Variants in CACNA1S observed in about 807,000 individuals in gnomAD.
CACNA1S encodes the protein voltage-dependent L-type calcium channel subunit alpha-1S.
CACNA1S carries 126 observed loss-of-function variants against 207.4 expected under a neutral mutation model. That is an observed-to-expected ratio of 0.61 (90% CI 0.53 to 0.70). The LOEUF is 0.70. Ranked by LOEUF, CACNA1S falls within the 30% of genes least tolerant of loss-of-function variation. CACNA1S has a pLI of 0.00. For missense variants in CACNA1S, 2,349 were observed against 2,422.8 expected, an observed-to-expected ratio of 0.97 and a Z score of 0.64; for synonymous variants, 960 against 932.7, an observed-to-expected ratio of 1.03 and a Z score of -0.53.
At chr1:201,106,291 C>T (rs1013873885) in intron 2 of CACNA1S, among the ~76,000 whole-genome samples, 8 of 152,134 alleles carry the variant, frequency 5.3e-5, no homozygotes, top group Non-Finnish European at 1.2e-4. Flanking sequence ...GGATGACTTC[C>T]CTGGGCTCCC....
In CACNA1S at chr1:201,069,514, C is replaced by T; in HGVS notation, c.2448G>A (p.Leu816=). 2 of 1,596,328 alleles carry T rather than the reference C, an allele frequency of 1.3e-6. No homozygotes were observed. Among genetic ancestry groups the T allele is most frequent in the African/African-American group, 1.3e-5 (1 of 74,998 alleles). The change falls in exon 18 of 44, where the codon CTG becomes CTA. Residue 816 remains leucine, a synonymous_variant. Coordinates refer to ENST00000362061, the MANE Select transcript of CACNA1S (RefSeq NM_000069.3). ...CAGCCCGGATGGGGTCTTCCGCAGC[C>T]AGTGCAGCGCTGCTGAGCAGGATGA... ...LLFILLSSAA[L]AAEDPIRADS...
intron 38 of CACNA1S, 133 bp downstream of exon 38, chr1:201,046,982 T>C: frequency 1.6e-6 from 2 of 1,253,360 alleles, no homozygotes; most frequent in Non-Finnish European, 2.3e-6. Context: ...CTTGACATTT[T>C]TTCACTCTTC....
At chr1:201,086,705 C>T (rs1000581100) in intron 7 of CACNA1S, among the ~76,000 whole-genome samples, 2 of 152,194 alleles carry the variant, frequency 1.3e-5, no homozygotes, top group East Asian at 3.8e-4. Flanking sequence ...TATAGTTATC[C>T]ATACAAAAAA....
At position 201,088,970 on chromosome 1, in the gene CACNA1S, G is replaced by T. The variant is rs549707479; in HGVS notation, c.900+288C>A. 3.3e-4 allele frequency among the ~76,000 whole-genome samples: 51 copies of T among 152,348 alleles called. 1 individual carries two copies. The South Asian group carries it at 0.011, about 32-fold the overall frequency. On this transcript the variant is annotated intron_variant, in intron 6 of 43. Transcript: ENST00000362061. ...TGAAATTCTAAGCCATCAGAATTGA[G>T]TCACTCACAGCCAGGTTTTTCCTGG...
chr1:201,065,808 G>C, intron 22 of CACNA1S, 30 bp downstream of exon 22: 4 of 1,511,184 alleles, frequency 2.6e-6, no homozygotes, highest in Non-Finnish European at 3.7e-6. Context: ...GGAGCGGGAG[G>C]GGGAGCTGCT....
At chr1:201,107,103 G>T (rs1429032687) in intron 2 of CACNA1S, among the ~76,000 whole-genome samples, 1 of 152,234 alleles carries the variant, frequency 6.6e-6, no homozygotes, top group African/African-American at 2.4e-5. Flanking sequence ...GTGAGCCAAG[G>T]TTCCAAGCTT....
chr1:201,110,395 G>T, intron 1 of CACNA1S, 126 bp from the exon 2 acceptor site: 2 of 791,632 alleles, frequency 2.5e-6, no homozygotes, highest in Non-Finnish European at 2.2e-6. Flanking sequence ...GCTCATGGAC[G>T]CTCGCCCACG....
chr1:201,101,294 C>T (rs61818024), intron 2 of CACNA1S, among the ~76,000 whole-genome samples: 15,974 of 152,182 alleles, frequency 0.1, 937 homozygotes, highest in Non-Finnish European at 0.12. Flanking sequence ...GGTTCCATCC[C>T]GGAGGGTGTC....
In CACNA1S at chr1:201,043,520, G is replaced by C. The variant is rs1373787888; in HGVS notation, c.4809C>G (p.Gly1603=). 1 of 1,613,886 alleles carries C rather than the reference G, an allele frequency of 6.2e-7. No homozygotes were observed. The highest frequency in any genetic ancestry group is 8.5e-7 in the Non-Finnish European group (1 of 1,180,022). The change falls in exon 40 of 44, where the codon GGC becomes GGG. Residue 1603 remains glycine, a synonymous_variant. Transcript: ENST00000362061. ...MEEGIFRRTG[G]LFGQVDNFLE... ...GGAAGTTGTCCACCTGGCCAAACAGGCCTCCAGTCCTCTAGGGGCAAGGAG... is the reference window on the plus strand; with the variant it reads ...GGAAGTTGTCCACCTGGCCAAACAGCCCTCCAGTCCTCTAGGGGCAAGGAG...
rs1199319384 is a variant in CACNA1S at position 201,039,999 on chromosome 1, G to A, written c.5454C>T (p.Cys1818=). 2 of 1,614,268 alleles carry A rather than the reference G, an allele frequency of 1.2e-6. No individual in the cohort carries two copies. The highest frequency in any genetic ancestry group is 1.7e-6 in the Non-Finnish European group (2 of 1,180,050). The part of the protein sequence containing the change: ...MATGQALADA[C]QMEPEEVEIM... ...TCTCCACTTCCTCTGGTTCCATTTG[G>A]CAGGCATCTGCCAGGGCCTGGCCTG... is the stretch of plus-strand genomic sequence containing the variant. Residue 1818 remains cysteine, a synonymous_variant, in exon 44 of 44, where the codon TGC becomes TGT. Transcript: ENST00000362061.
chr1:201,101,767 T>C (rs184018269), intron 2 of CACNA1S, among the ~76,000 whole-genome samples: 5 of 152,212 alleles, frequency 3.3e-5, no homozygotes, highest in Admixed American at 2.6e-4. Context: ...GGGAGGATGG[T>C]GGGTGTGAGG....
chr1:201,106,382 C>T (rs796557694), intron 2 of CACNA1S, among the ~76,000 whole-genome samples: 37 of 151,902 alleles, frequency 2.4e-4, no homozygotes, highest in African/African-American at 9.0e-4. Flanking sequence ...TTTTCTAAAT[C>T]CCCCCCTGAC....
chr1:201,060,815 C>T lies in CACNA1S; in HGVS notation c.3257G>A (p.Arg1086His), dbSNP rs1800559. The part of the protein sequence containing the change: ...YKNCELDKNQ[R>H]QCVQYALKAR... ...CTTCAGGGCATACTGTACACATTGG[C>T]GCTGTGACACATACAACAGGACAGG... Residue 1086 changes from arginine (R) to histidine (H), a missense_variant and splice_region_variant, in exon 26 of 44, where the codon CGC becomes CAC. By Grantham distance (29) the Arg-to-His change is conservative. Transcript: ENST00000362061. 10 of 1,614,180 alleles carry T rather than the reference C, an allele frequency of 6.2e-6. No homozygotes were observed. Among genetic ancestry groups the T allele is most frequent in the East Asian group, 2.2e-5 (1 of 44,882 alleles).
rs1253947120 is a variant in CACNA1S, at chr1:201,069,591, G to A, written c.2371C>T (p.Leu791=). The A allele has an allele frequency of 6.4e-7, 1 of 1,556,144 alleles. No homozygotes were observed. Among genetic ancestry groups the A allele is most frequent in the Non-Finnish European group, 8.7e-7 (1 of 1,148,950 alleles). The change falls in exon 18 of 44, where the codon CTG becomes TTG. Residue 791 remains leucine (L), a synonymous_variant. Coordinates refer to ENST00000362061, the MANE Select transcript of CACNA1S (RefSeq NM_000069.3). ...IFSPTNKIRV[L]CHRIVNATWF... ...GTGGCATTGACGATGCGGTGACACA[G>A]GACACGGATCCTGGTGGGGCGAGGT...
chr1:201,073,526 A>G, intron 15 of CACNA1S, 23 bp downstream of exon 15: 1 of 1,585,972 alleles, frequency 6.3e-7, no homozygotes, highest in African/African-American at 1.3e-5. Flanking sequence ...ACTGCCTCTA[A>G]CATCCCCACC....
At position 201,047,218 on chromosome 1, in the gene CACNA1S, T is replaced by C. The variant is rs763242241; in HGVS notation, c.4565A>G (p.Lys1522Arg). 47 of 1,614,210 alleles carry C rather than the reference T, an allele frequency of 2.9e-5. 1 individual carries two copies. The South Asian group carries it at 4.4e-4, about 15-fold the overall frequency. ...PIGDDEVTVG[K>R]FYATFLIQEH... ...CTGGATGAGGAATGTGGCGTAGAAC[T>C]TCCCCACTGTCACCTCATCATCTGC... The change falls in exon 38 of 44, where the codon AAG (lysine) becomes AGG (arginine). Residue 1522 changes from lysine (K) to arginine (R), a missense_variant. Physicochemically the swap from Lys to Arg is conservative, Grantham distance 26 (BLOSUM62 2). Transcript: ENST00000362061.
At chr1:201,040,909 T>G (rs1245990341) in intron 41 of CACNA1S, among the ~76,000 whole-genome samples, 196 bp from the exon 42 acceptor site, 6 of 152,206 alleles carry the variant, frequency 3.9e-5, no homozygotes, top group Non-Finnish European at 7.4e-5. Flanking sequence ...GCCCCAACTT[T>G]ACTGGCCCTG....
intron 42 of CACNA1S, 105 bp downstream of exon 42, chr1:201,040,517 G>T: frequency 7.1e-7 from 1 of 1,402,684 alleles, no homozygotes; most frequent in Non-Finnish European, 1.0e-6. Flanking sequence ...CTGTACTGTT[G>T]GACACATTGC....
chr1:201,069,738 C>G, intron 17 of CACNA1S, 137 bp from the exon 18 acceptor site: 13 of 1,029,914 alleles, frequency 1.3e-5, no homozygotes, highest in Non-Finnish European at 1.9e-5. Context: ...AGCCCTGCAC[C>G]TGCAGGGTCC....
Sources: gnomAD v4.1 joint callset for allele counts (sites outside exome capture counted in the v4.1 genomes callset) on GRCh38, gnomAD v4.1.1 for gene constraint, MANE v1.5 for transcripts, NCBI Gene and HGNC (gene_info 2026-07-23, HGNC 2026-07-21) for gene names.